Variants in ASB14 observed in about 807,000 individuals in gnomAD.
ASB14 encodes ankyrin repeat and SOCS box containing 14, also known as ankyrin repeat and SOCS box protein 14.
A neutral mutation model predicts 55.6 loss-of-function variants in ASB14; 63 were observed. That is an observed-to-expected ratio of 1.13 (90% CI 0.92 to 1.40). The LOEUF (loss-of-function observed/expected upper bound fraction) is 1.40. Among genes scored for constraint, ASB14 ranks in the 40% most tolerant of loss-of-function variants. The pLI is 0.00. For synonymous variants in ASB14, 256 were observed against 259.9 expected, an observed-to-expected ratio of 0.98 and a Z score of 0.15; for missense variants, 724 against 710.4, an observed-to-expected ratio of 1.02 and a Z score of -0.22.
rs906378575 is a variant in ASB14 at position 57,292,216 on chromosome 3, TAAA to T, written c.-71-115_-71-113del. On this transcript the variant is annotated intron_variant, in intron 1 of 10. Transcript: ENST00000487349. ...ATTCACTAAAAAATTTCTATAAACT[TAAA>T]AAAGTTTTGTGGACTGCCACAGATT... 6.7e-5 allele frequency: 53 copies of T among 786,330 alleles called. No individual in the cohort carries two copies. The East Asian group carries it at 1.3e-3, about 19-fold the overall frequency. The allele number at this position is 786,330 out of a possible 1,614,324, so 48.7% of individuals were successfully genotyped here.
Position 57,280,313 on chromosome 3 carries a change from CCT to C in ASB14, c.874_875del (p.Arg292GlyfsTer19), listed in dbSNP as rs1480681533. ...TAATTGAACTTAACAGTAAGTGGCC[CCT>C]GTCAGCTGCCACATGGATGGGCAGG... ...GHLPIHVAAD[R>X]GHLLALKILI... On this transcript the variant is annotated frameshift_variant, in exon 7 of 11. Coordinates refer to ENST00000487349, the MANE Select transcript of ASB14 (RefSeq NM_001142733.3). LOFTEE classifies it high-confidence loss of function. 7 of 1,547,102 alleles carry C rather than the reference CCT, an allele frequency of 4.5e-6. No homozygotes were observed. Among genetic ancestry groups the C allele is most frequent in the Non-Finnish European group, 6.1e-6 (7 of 1,144,042 alleles).
rs761473830 is a variant in ASB14 at position 57,269,689 on chromosome 3, C to T, written c.*23-71G>A. 1.9e-6 allele frequency: 3 copies of T among 1,613,344 alleles called. No homozygotes were observed. The African/African-American group carries it at 4.0e-5, about 22-fold the overall frequency. ...AAGAAGAGAGAATCAGAAGCATAAG[C>T]TTATACTTTTGGTAGATATTCCCCC... On this transcript the variant is annotated intron_variant, in intron 10 of 10. Coordinates refer to ENST00000487349, the MANE Select transcript of ASB14 (RefSeq NM_001142733.3).
chr3:57,284,771 A>G (rs1375802687), intron 5 of ASB14, among the ~76,000 whole-genome samples: 9 of 152,176 alleles, frequency 5.9e-5, no homozygotes, highest in Non-Finnish European at 2.9e-5. Flanking sequence ...TTTTCACTAT[A>G]CAGTGCTAGG....
chr3:57,280,958 G>A (rs2061036377), intron 6 of ASB14, among the ~76,000 whole-genome samples: 1 of 152,086 alleles, frequency 6.6e-6, no homozygotes, highest in Non-Finnish European at 1.5e-5. Flanking sequence ...TTTTAATTGA[G>A]GTTAGGAACT....
In ASB14 at chr3:57,278,359, C is replaced by T; in HGVS notation, c.1431+18G>A. 3.1e-6 allele frequency: 5 copies of T among 1,588,352 alleles called. No homozygotes were observed. Among genetic ancestry groups the T allele is most frequent in the African/African-American group, 2.7e-5 (2 of 74,520 alleles). On this transcript the variant is annotated intron_variant, in intron 8 of 10. Transcript: ENST00000487349. ...AAATAATGACTGTAAGGGAATACAG[C>T]CAATACTGTGGACTTACCTTAGTAT...
At position 57,278,604 on chromosome 3, in the gene ASB14, T is replaced by G; in HGVS notation, c.1204A>C (p.Ile402Leu). The G allele has an allele frequency of 1.9e-6, 3 of 1,614,216 alleles. No homozygotes were observed. The highest frequency in any genetic ancestry group is 2.5e-6 in the Non-Finnish European group (3 of 1,180,032). ...IALRMGNYELISLLLRHGANV... is the reference protein window; with the variant it reads ...IALRMGNYELLSLLLRHGANV... The stretch of plus-strand genomic sequence containing the variant: ...GCCCCATGCCTTAGCAGCAGACTGA[T>G]CAGCTCATAGTTGCCCATCCTGAGG... The change falls in exon 8 of 11, where the codon ATC becomes CTC. Residue 402 changes from isoleucine to leucine, a missense_variant. By Grantham distance (5) the Ile-to-Leu change is conservative (BLOSUM62 2). Transcript: ENST00000487349.
chr3:57,268,497 C>G lies in ASB14; in HGVS notation c.*1144G>C. Reference sequence around the variant, plus strand: ...AAAACAGATTGAAAAGGTATACAGTCCTAATGTCTGGATCTTTATGTGTTG... The same window carrying G: ...AAAACAGATTGAAAAGGTATACAGTGCTAATGTCTGGATCTTTATGTGTTG... On this transcript the variant is annotated 3_prime_UTR_variant, in exon 11 of 11. Transcript: ENST00000487349. The G allele has an allele frequency of 6.3e-7, 1 of 1,580,136 alleles. No homozygotes were observed. The highest frequency in any genetic ancestry group is 8.6e-7 in the Non-Finnish European group (1 of 1,167,686).
chr3:57,288,532 A>G (rs1011219425), intron 3 of ASB14, among the ~76,000 whole-genome samples: 3 of 152,146 alleles, frequency 2.0e-5, no homozygotes, highest in African/African-American at 7.2e-5. Context: ...GAAGGAACCC[A>G]GGAGCTCTTT....
At chr3:57,275,049 G>A (rs750244911) in intron 10 of ASB14, among the ~76,000 whole-genome samples, 3 of 152,180 alleles carry the variant, frequency 2.0e-5, no homozygotes, top group Non-Finnish European at 4.4e-5. Context: ...GCAAACTCCT[G>A]AGTCATGTAC....
chr3:57,281,167 G>C (rs1316541124), intron 6 of ASB14, among the ~76,000 whole-genome samples: 1 of 152,154 alleles, frequency 6.6e-6, no homozygotes, highest in East Asian at 1.9e-4. Flanking sequence ...TTTCTTTTGA[G>C]CATCATGTTG....
chr3:57,276,651 CAG>C lies in ASB14; in HGVS notation c.1661_1662del (p.Pro554ArgfsTer39). The C allele has an allele frequency of 6.2e-7, 1 of 1,613,906 alleles. No individual in the cohort carries two copies. Among genetic ancestry groups the C allele is most frequent in the South Asian group, 1.1e-5 (1 of 91,076 alleles). On this transcript the variant is annotated frameshift_variant, in exon 10 of 11. Coordinates refer to ENST00000487349, the MANE Select transcript of ASB14 (RefSeq NM_001142733.3). LOFTEE classifies it high-confidence loss of function. The part of the protein sequence containing the change: ...KCMGRLHLRC[P>X]VFMSFLPLPN... ...GGTAATGGAAGAAATGACATGAAGACAGGGCAGCGCAAATGTAACCGTCCCAT... is the reference window on the plus strand; with the variant it reads ...GGTAATGGAAGAAATGACATGAAGACGGCAGCGCAAATGTAACCGTCCCAT...
chr3:57,284,529 C>T (rs534787302), intron 5 of ASB14, among the ~76,000 whole-genome samples: 8 of 152,242 alleles, frequency 5.3e-5, no homozygotes, highest in South Asian at 2.1e-4. Context: ...CTTTTTAACC[C>T]GGCATTTTCC....
intron 10 of ASB14, chr3:57,272,723 C>T (rs1483837335): frequency 1.3e-5 from 2 of 152,310 alleles, no homozygotes; most frequent in Non-Finnish European, 2.9e-5. Flanking sequence ...CCTCAGCCTC[C>T]CGAGTAGCTG....
At position 57,268,912 on chromosome 3, in the gene ASB14, A is replaced by C. The variant is rs2060914702; in HGVS notation, c.*729T>G. 6.5e-6 allele frequency: 1 copy of C among 152,782 alleles called. No individual in the cohort carries two copies. The highest frequency in any genetic ancestry group is 1.5e-5 in the Non-Finnish European group (1 of 68,364). 9.5% of individuals were successfully genotyped at this position (152,782 alleles called of 1,614,324 possible). The stretch of plus-strand genomic sequence containing the variant: ...AAATCATTGTCCATCCAACAGAATA[A>C]TTTTAAAAGACAAATTTCAGAGCAA... On this transcript the variant is annotated 3_prime_UTR_variant, in exon 11 of 11. Transcript: ENST00000487349.
chr3:57,287,616 G>A (rs6805497), intron 5 of ASB14, among the ~76,000 whole-genome samples: 27,684 of 152,024 alleles, frequency 0.18, 2,799 homozygotes, highest in African/African-American at 0.25. Context: ...CTTCACCCCT[G>A]CTCCATGAGG....
At chr3:57,275,319 G>A (rs1296859792) in intron 10 of ASB14, among the ~76,000 whole-genome samples, 2 of 152,046 alleles carry the variant, frequency 1.3e-5, no homozygotes, top group Non-Finnish European at 2.9e-5. Flanking sequence ...GGGCATGGTG[G>A]TGTACACCTG....
chr3:57,279,000 T>C (rs368336347), intron 7 of ASB14, 80 bp from the exon 8 acceptor site: 1 of 1,347,372 alleles, frequency 7.4e-7, no homozygotes, highest in Non-Finnish European at 1.0e-6. Context: ...TTTATAGCAA[T>C]ACTAGATAGT....
chr3:57,268,513 TTA>T lies in ASB14; in HGVS notation c.*1126_*1127del. The T allele has an allele frequency of 1.3e-6, 2 of 1,553,730 alleles. No homozygotes were observed. Among genetic ancestry groups the T allele is most frequent in the East Asian group, 4.5e-5 (2 of 44,298 alleles). On this transcript the variant is annotated 3_prime_UTR_variant, in exon 11 of 11. Coordinates refer to ENST00000487349, the MANE Select transcript of ASB14 (RefSeq NM_001142733.3). ...GTATACAGTCCTAATGTCTGGATCT[TTA>T]TGTGTTGTTTGTGAAGACTTAATTC...
chr3:57,277,874 T>G lies in ASB14; in HGVS notation c.1478A>C (p.Lys493Thr). 1.2e-6 allele frequency: 2 copies of G among 1,613,928 alleles called. No homozygotes were observed. The highest frequency in any genetic ancestry group is 3.3e-4 in the Middle Eastern group (2 of 6,060). Residue 493 changes from lysine to threonine, a missense_variant, in exon 9 of 11, where the codon AAG becomes ACG. Lys to Thr is a moderately conservative substitution (Grantham distance 78). Transcript: ENST00000487349. ...ATAATCAAGCATCACTCGAACAACCTTTCCAGAGAGATGTTGCAGCCATGA... is the reference window on the plus strand; with the variant it reads ...ATAATCAAGCATCACTCGAACAACCGTTCCAGAGAGATGTTGCAGCCATGA... ...TLSWLQHLSG[K>T]VVRVMLDYVD...
Sources: allele counts gnomAD v4.1 joint callset (sites outside exome capture counted in the v4.1 genomes callset), GRCh38; gene constraint gnomAD v4.1.1; transcripts MANE v1.5; gene names NCBI Gene and HGNC (gene_info 2026-07-23, HGNC 2026-07-21).